Variants in RBFOX3 observed in about 807,000 individuals in gnomAD.
The protein encoded by RBFOX3 is RNA binding fox-1 homolog 3.
RBFOX3 carries 17 observed loss-of-function variants against 48.7 expected under a neutral mutation model. The ratio of observed to expected loss-of-function variants is 0.35; its 90% CI spans 0.24 to 0.52. The LOEUF (loss-of-function observed/expected upper bound fraction) is 0.52, where lower values mean the gene tolerates loss of function less well. Ranked by LOEUF, RBFOX3 falls within the 20% of genes least tolerant of loss-of-function variation. The pLI is 0.94. For synonymous variants in RBFOX3, 212 were observed against 209.5 expected, an observed-to-expected ratio of 1.01 and a Z score of -0.10; for missense variants, 382 against 497.5, an observed-to-expected ratio of 0.77 and a Z score of 2.21.
chr17:79,452,077 T>C (rs1598752577), intron 2 of RBFOX3, among the ~76,000 whole-genome samples: 1 of 152,030 alleles, frequency 6.6e-6, no homozygotes, highest in Non-Finnish European at 1.5e-5. Context: ...GAAGGATGGG[T>C]AGAATTCTGA....
intron 4 of RBFOX3, among the ~76,000 whole-genome samples, chr17:79,222,977 G>C (rs2059908770): frequency 6.6e-6 from 1 of 152,192 alleles, no homozygotes. Flanking sequence ...GCTCTGGGGT[G>C]TCAGGGTGTG....
intron 4 of RBFOX3, among the ~76,000 whole-genome samples, chr17:79,152,557 G>C (rs1441151523): frequency 6.6e-6 from 1 of 152,202 alleles, no homozygotes; most frequent in Non-Finnish European, 1.5e-5. Flanking sequence ...CGCCCCACAA[G>C]CGCCCTGAAC....
At chr17:79,160,232 A>C (rs1470193334) in intron 4 of RBFOX3, among the ~76,000 whole-genome samples, 1 of 146,572 alleles carries the variant, frequency 6.8e-6, no homozygotes, top group South Asian at 2.2e-4. Flanking sequence ...GGGGCGATGC[A>C]GGTGGCCTGG....
intron 4 of RBFOX3, among the ~76,000 whole-genome samples, chr17:79,125,804 T>C (rs981117888): frequency 6.6e-6 from 1 of 152,170 alleles, no homozygotes; most frequent in Non-Finnish European, 1.5e-5. Flanking sequence ...ACCGGGCCAT[T>C]TCTCCAGCAC....
At chr17:79,633,788 C>T in the RBFOX3 span, among the ~76,000 whole-genome samples, 2 of 152,170 alleles carry the variant, frequency 1.3e-5, no homozygotes, top group African/African-American at 2.4e-5. Flanking sequence ...CCTTCCAACC[C>T]TTCACCCCAG....
chr17:79,106,344 G>C (rs540220738), intron 6 of RBFOX3, among the ~76,000 whole-genome samples: 5 of 152,182 alleles, frequency 3.3e-5, no homozygotes, highest in Non-Finnish European at 7.4e-5. Flanking sequence ...GAGCTCAGGT[G>C]GTCTGGGGGG....
intron 3 of RBFOX3, among the ~76,000 whole-genome samples, chr17:79,248,221 CTTTGT>C (rs1312706663): frequency 6.6e-6 from 1 of 152,012 alleles, no homozygotes; most frequent in Non-Finnish European, 1.5e-5. Flanking sequence ...AGGCTGGTGG[CTTTGT>C]TTTGTGTGTG....
the RBFOX3 span, among the ~76,000 whole-genome samples, chr17:79,639,639 A>G: frequency 6.6e-6 from 1 of 152,226 alleles, no homozygotes; most frequent in Admixed American, 6.5e-5. Flanking sequence ...AAAGGATTAT[A>G]CATTATGACC....
chr17:79,655,235 G>C, the RBFOX3 span, among the ~76,000 whole-genome samples: 1 of 152,010 alleles, frequency 6.6e-6, no homozygotes, highest in Non-Finnish European at 1.5e-5. Context: ...ACCTAAGTCC[G>C]CAGGGGGAAA....
At chr17:79,289,649 TC>T (rs2072827343) in intron 3 of RBFOX3, among the ~76,000 whole-genome samples, 1 of 152,216 alleles carries the variant, frequency 6.6e-6, no homozygotes, top group African/African-American at 2.4e-5. Flanking sequence ...TTTGGGGCTT[TC>T]CCCCTTTGGC....
At position 79,198,335 on chromosome 17, in the gene RBFOX3, A is replaced by C. The variant is rs1209352429; in HGVS notation, c.-34+37431T>G. On this transcript the variant is annotated intron_variant, in intron 4 of 14. Coordinates refer to ENST00000693108, the MANE Select transcript of RBFOX3 (RefSeq NM_001350451.2). This position sits in a 1 kb window ranked among gnomAD's most constrained non-coding sequence, Gnocchi z 8.2. ...AGGCACAGGTGCGGACAGGAAGGAGAGCCTGCACCTGGCGATGGTGACTCA... is the reference window on the plus strand; with the variant it reads ...AGGCACAGGTGCGGACAGGAAGGAGCGCCTGCACCTGGCGATGGTGACTCA... Among the ~76,000 whole-genome samples, 2 of 152,140 alleles carry C rather than the reference A, an allele frequency of 1.3e-5. No homozygotes were observed. The highest frequency in any genetic ancestry group is 2.9e-5 in the Non-Finnish European group (2 of 68,028).
chr17:79,462,552 T>C (rs1278207035), intron 2 of RBFOX3, among the ~76,000 whole-genome samples: 1 of 152,170 alleles, frequency 6.6e-6, no homozygotes, highest in Non-Finnish European at 1.5e-5. Context: ...ATGAGACAAA[T>C]GCCTGGAGAC....
intron 3 of RBFOX3, among the ~76,000 whole-genome samples, chr17:79,245,062 T>A (rs142977670): frequency 2.7e-4 from 41 of 149,640 alleles, no homozygotes; most frequent in African/African-American, 1.0e-3. Flanking sequence ...CCTCTCCCTT[T>A]CCTTTTCTCT....
the RBFOX3 span, among the ~76,000 whole-genome samples, chr17:79,631,461 A>T: frequency 6.6e-6 from 1 of 152,060 alleles, no homozygotes; most frequent in Non-Finnish European, 1.5e-5. Flanking sequence ...CAGCTTGTAC[A>T]CTCATCTGCC....
chr17:79,606,037 C>T (rs2093822395), intron 1 of RBFOX3, among the ~76,000 whole-genome samples: 2 of 152,336 alleles, frequency 1.3e-5, no homozygotes, highest in South Asian at 2.1e-4. Context: ...GCAGAGCCTT[C>T]GATACCACAG....
At chr17:79,230,270 A>T (rs368989811) in intron 4 of RBFOX3, among the ~76,000 whole-genome samples, 2 of 151,714 alleles carry the variant, frequency 1.3e-5, no homozygotes, top group African/African-American at 4.8e-5. Context: ...TTATTTATTT[A>T]TTTTTTTGAG....
chr17:79,504,035 AGGGTGCTCCAG>A (rs2082735376), intron 1 of RBFOX3, among the ~76,000 whole-genome samples: 2 of 149,938 alleles, frequency 1.3e-5, no homozygotes, highest in African/African-American at 5.0e-5. Context: ...TCCAGGTGGC[AGGGTGCTCCAG>A]GTGGCAGGGT....
At chr17:79,547,316 A>G (rs926749821) in intron 1 of RBFOX3, among the ~76,000 whole-genome samples, 13 of 152,000 alleles carry the variant, frequency 8.6e-5, no homozygotes, top group African/African-American at 1.9e-4. Context: ...GCGTGGTGGC[A>G]TGGTGGCGCA....
chr17:79,546,126 C>T (rs1364822103), intron 1 of RBFOX3, among the ~76,000 whole-genome samples: 4 of 152,214 alleles, frequency 2.6e-5, no homozygotes, highest in African/African-American at 9.7e-5. Flanking sequence ...AAGGTCATAG[C>T]CACAGTCTGG....
Sources: allele counts gnomAD v4.1 joint callset (sites outside exome capture counted in the v4.1 genomes callset), GRCh38; gene constraint gnomAD v4.1.1; non-coding constraint Gnocchi (gnomAD v3.1); transcripts MANE v1.5; gene names NCBI Gene and HGNC (gene_info 2026-07-23, HGNC 2026-07-21).